ZNF563: variants seen among roughly 807,000 people sequenced by gnomAD.
The protein encoded by ZNF563 is zinc finger protein 563.
In ZNF563, 39 loss-of-function variants were observed where a neutral mutation model predicts 48.5. That is an observed-to-expected ratio of 0.80 (90% CI 0.62 to 1.05). The LOEUF (loss-of-function observed/expected upper bound fraction) is 1.05. Among genes scored for constraint, ZNF563 ranks in the 50% least tolerant of loss-of-function variants. The probability of loss-of-function intolerance (pLI) is 0.00; values close to 1 mark genes in which losing one functional copy is unlikely to be tolerated. For synonymous variants in ZNF563, 168 were observed against 187.9 expected (o/e 0.89, Z 0.87); for missense variants, 538 against 597.0 (o/e 0.90, Z 1.03).
intron 1 of ZNF563, 83 bp downstream of exon 1, chr19:12,333,397 A>G (rs898942474): frequency 1.9e-6 from 3 of 1,545,770 alleles, no homozygotes; most frequent in South Asian, 1.2e-5. Flanking sequence ...ACGGCGGGGG[A>G]GGCCCACGTT....
At chr19:12,321,354 T>G (rs1968618835) in intron 2 of ZNF563, 22 bp from the exon 3 acceptor site, 1 of 1,476,750 alleles carries the variant, frequency 6.8e-7, no homozygotes, top group Non-Finnish European at 9.1e-7. Flanking sequence ...ACCCAGAAAA[T>G]CACTATACAT....
chr19:12,322,576 C>A lies in ZNF563; in HGVS notation c.130+9G>T. ...AATTGATTAAGTGAAGACATGGTAT[C>A]ATCCTTACTTATACAGTCCAGGTTC... On this transcript the variant is annotated intron_variant, in intron 2 of 3. Transcript: ENST00000293725. 1.3e-6 allele frequency: 2 copies of A among 1,588,190 alleles called. No individual in the cohort carries two copies. The highest frequency in any genetic ancestry group is 1.7e-6 in the Non-Finnish European group (2 of 1,166,672).
the ZNF563 span, among the ~76,000 whole-genome samples, chr19:12,345,091 T>A: frequency 6.6e-6 from 1 of 152,184 alleles, no homozygotes; most frequent in Non-Finnish European, 1.5e-5. Flanking sequence ...TTAAGGAAGA[T>A]AAATGAATGG....
chr19:12,318,919 T>C lies in ZNF563; in HGVS notation c.1106A>G (p.Gln369Arg). ...HTGEKPYECK[Q>R]CGKTLSHSSS... is the part of the protein sequence containing the mutation. ...GCTATGAGATAACGTTTTCCCACAC[T>C]GCTTGCATTCATAGGGTTTCTCTCC... Residue 369 changes from glutamine to arginine, a missense_variant, in exon 4 of 4, where the codon CAG (glutamine) becomes CGG (arginine). Transcript: ENST00000293725. 6.2e-7 allele frequency: 1 copy of C among 1,614,250 alleles called. No individual in the cohort carries two copies.
the ZNF563 span, among the ~76,000 whole-genome samples, chr19:12,341,844 C>G: frequency 6.6e-6 from 1 of 152,082 alleles, no homozygotes; most frequent in African/African-American, 2.4e-5. Flanking sequence ...TTCAACAACA[C>G]AATAAGCAAA....
At position 12,317,883 on chromosome 19, in the gene ZNF563, C is replaced by A; in HGVS notation, c.*711G>T. The A allele has an allele frequency of 1.1e-5, 2 of 183,764 alleles. No individual in the cohort carries two copies. The highest frequency in any genetic ancestry group is 1.4e-4 in the South Asian group (1 of 7,184). 11.4% of individuals were successfully genotyped at this position (183,764 alleles called of 1,614,324 possible). On this transcript the variant is annotated 3_prime_UTR_variant, in exon 4 of 4. Transcript: ENST00000293725. ...CATTAAAGAATACTTCCCTACATTTCACACATTTATAGAGTATCTCTCCAG... is the reference window on the plus strand; with the variant it reads ...CATTAAAGAATACTTCCCTACATTTAACACATTTATAGAGTATCTCTCCAG...
In ZNF563 at chr19:12,319,383, C is replaced by T; in HGVS notation, c.642G>A (p.Met214Ile). 1 of 1,614,138 alleles carries T rather than the reference C, an allele frequency of 6.2e-7. No individual in the cohort carries two copies. Among genetic ancestry groups the T allele is most frequent in the Non-Finnish European group, 8.5e-7 (1 of 1,180,024 alleles). Residue 214 changes from methionine (M) to isoleucine (I), a missense_variant, in exon 4 of 4, where the codon ATG becomes ATA. Physicochemically the swap from Met to Ile is conservative, Grantham distance 10. Transcript: ENST00000293725. The stretch of plus-strand genomic sequence containing the variant: ...TCTCTCCAGTGTGAGTTCTTTCATG[C>T]ATACGTAATAAACTGGGCCAAAAAA... ...KAFFWPSLLR[M>I]HERTHTGEKP...
chr19:12,333,361 G>T (rs1968970099), intron 1 of ZNF563, 119 bp downstream of exon 1: 5 of 1,380,314 alleles, frequency 3.6e-6, no homozygotes, highest in African/African-American at 1.4e-5. Context: ...GCGCCAGGGG[G>T]ACTCGGGTCC....
At chr19:12,339,608 C>A in the ZNF563 span, among the ~76,000 whole-genome samples, 3 of 151,926 alleles carry the variant, frequency 2.0e-5, no homozygotes, top group Non-Finnish European at 4.4e-5. Flanking sequence ...ATCAAAATAG[C>A]CACTCTATAC....
chr19:12,322,797 T>C, intron 1 of ZNF563, 86 bp from the exon 2 acceptor site: 1 of 1,358,334 alleles, frequency 7.4e-7, no homozygotes, highest in Non-Finnish European at 9.8e-7. Context: ...CATATGATGC[T>C]GTGCTTTCCA....
chr19:12,331,387 A>C (rs1417234542), intron 1 of ZNF563, among the ~76,000 whole-genome samples: 3 of 150,764 alleles, frequency 2.0e-5, no homozygotes, highest in African/African-American at 7.3e-5. Context: ...CAGATACCGC[A>C]CTGTGTACTT....
rs79114846 is a variant in ZNF563, at chr19:12,318,251, C to T, written c.*343G>A. The T allele has an allele frequency of 0.012, 3,276 of 269,134 alleles. 68 individuals carry two copies. The highest frequency in any genetic ancestry group is 0.052 in the African/African-American group (2,287 of 44,138). 16.7% of individuals were successfully genotyped at this position (269,134 alleles called of 1,614,324 possible). A position where few individuals can be genotyped will look rare whatever the true frequency, so the allele number is the denominator to read the frequency against. ...TCCTGAGGTCAAGCAATTTGCCCAC[C>T]CTAAGTGCTGGGATTACAGGCGTGA... On this transcript the variant is annotated 3_prime_UTR_variant, in exon 4 of 4. Transcript: ENST00000293725.
chr19:12,336,087 T>G (rs1237725569), upstream of ZNF563, among the ~76,000 whole-genome samples: 1 of 152,122 alleles, frequency 6.6e-6, no homozygotes, highest in Non-Finnish European at 1.5e-5. Context: ...AATAAAAAAT[T>G]GACAATCTTG....
rs767255403 is a variant in ZNF563 at position 12,319,036 on chromosome 19, C to A, written c.989G>T (p.Arg330Met). The change falls in exon 4 of 4, where the codon AGG (arginine) becomes ATG (methionine). Residue 330 changes from arginine (R) to methionine (M), a missense_variant. Coordinates refer to ENST00000293725, the MANE Select transcript of ZNF563 (RefSeq NM_145276.3). ...HLGSFQIHMK[R>M]HTGDRPHKCK... ...TTTATGAGGTCGATCTCCAGTGTGC[C>A]TTTTCATGTGTATCTGAAAGCTTCC... The A allele has an allele frequency of 3.1e-6, 5 of 1,613,932 alleles. No homozygotes were observed. In the Admixed American group the frequency reaches 6.7e-5, roughly 22 times the overall value.
chr19:12,325,194 C>G (rs987795671), intron 1 of ZNF563, among the ~76,000 whole-genome samples: 4 of 152,094 alleles, frequency 2.6e-5, no homozygotes, highest in Admixed American at 2.6e-4. Flanking sequence ...TTAAGACATA[C>G]ATTAAGGCCA....
the ZNF563 span, among the ~76,000 whole-genome samples, chr19:12,340,161 C>T: frequency 9.9e-5 from 15 of 152,198 alleles, no homozygotes; most frequent in South Asian, 2.7e-3. Context: ...ATGGCAAAAC[C>T]GGTCTCTACA....
chr19:12,343,521 CA>C, the ZNF563 span, among the ~76,000 whole-genome samples: 2 of 151,922 alleles, frequency 1.3e-5, no homozygotes, highest in Admixed American at 1.3e-4. Context: ...AAGAGTAGAG[CA>C]GAGATAAATC....
At chr19:12,345,619 T>C in the ZNF563 span, among the ~76,000 whole-genome samples, 1 of 152,196 alleles carries the variant, frequency 6.6e-6, no homozygotes, top group South Asian at 2.1e-4. Context: ...GCTAAAACTA[T>C]AAAATACTTA....
Position 12,324,614 on chromosome 19 carries a change from G to A in ZNF563, c.4-1903C>T, listed in dbSNP as rs549956468. On this transcript the variant is annotated intron_variant, in intron 1 of 3. Transcript: ENST00000293725. The stretch of plus-strand genomic sequence containing the variant: ...TGCCTGTAGTCCCAGCTACTCAAGA[G>A]GCTGAGGCAGGAGAATTGCTTGAAC... Among the ~76,000 whole-genome samples the A allele has an allele frequency of 1.1e-4, 17 of 151,864 alleles. 1 individual carries two copies. The South Asian group carries it at 3.3e-3, about 30-fold the overall frequency.
Sources: allele counts gnomAD v4.1 joint callset (sites outside exome capture counted in the v4.1 genomes callset), GRCh38; gene constraint gnomAD v4.1.1; transcripts MANE v1.5; gene names NCBI Gene and HGNC (gene_info 2026-07-23, HGNC 2026-07-21).